The following PPP4R3A variants were observed in gnomAD, a reference collection of about 807,000 sequenced individuals.
The protein encoded by PPP4R3A is serine/threonine-protein phosphatase 4 regulatory subunit 3A.
PPP4R3A carries 15 observed loss-of-function variants against 91.7 expected under a neutral mutation model. That is an observed-to-expected ratio of 0.16 (90% CI 0.11 to 0.25). The LOEUF (loss-of-function observed/expected upper bound fraction) is 0.25, where lower values mean the gene tolerates loss of function less well. PPP4R3A is among the 10% of genes least tolerant of loss of function. PPP4R3A has a pLI of 1.00. For missense variants in PPP4R3A, 623 were observed against 998.4 expected (o/e 0.62, Z 5.07); for synonymous variants, 377 against 348.7 (o/e 1.08, Z -0.91).
chr14:91,510,499 C>T (rs1378887431), upstream of PPP4R3A: 2 of 152,238 alleles, frequency 1.3e-5, no homozygotes, highest in Non-Finnish European at 2.9e-5. Flanking sequence ...GGTGACAGCC[C>T]GAGGCTCCCT....
chr14:91,471,751 G>A (rs995323934), intron 9 of PPP4R3A, among the ~76,000 whole-genome samples: 1 of 152,142 alleles, frequency 6.6e-6, no homozygotes, highest in African/African-American at 2.4e-5. Flanking sequence ...TTTTATGTGA[G>A]TGCTATAATT....
chr14:91,479,307 T>C lies in PPP4R3A; in HGVS notation c.915+2269A>G, dbSNP rs980708347. Among the ~76,000 whole-genome samples the C allele has an allele frequency of 4.2e-4, 64 of 151,334 alleles. No individual in the cohort carries two copies. The South Asian group carries it at 0.013, about 30-fold the overall frequency. Reference sequence around the variant, plus strand: ...ATAAAAAACAACGTGTGTGTGTGTGTGTGTGTGTGTGTGTGTGTGTGTATG... The same window carrying C: ...ATAAAAAACAACGTGTGTGTGTGTGCGTGTGTGTGTGTGTGTGTGTGTATG... On this transcript the variant is annotated intron_variant, in intron 4 of 14. Coordinates refer to ENST00000554943, the MANE Select transcript of PPP4R3A (RefSeq NM_001366432.2).
intron 10 of PPP4R3A, among the ~76,000 whole-genome samples, chr14:91,467,249 A>C (rs1888530769): frequency 6.6e-6 from 1 of 152,196 alleles, no homozygotes; most frequent in Non-Finnish European, 1.5e-5. Context: ...CTGTTGAGTA[A>C]AAAGCTGCTT....
intron 1 of PPP4R3A, among the ~76,000 whole-genome samples, chr14:91,507,859 T>C (rs142297471): frequency 0.012 from 1,768 of 151,990 alleles, 17 homozygotes; most frequent in Middle Eastern, 0.031. Context: ...ATGGGGGTCA[T>C]GCCTGTAATC....
At chr14:91,507,835 T>C (rs1019017148) in intron 1 of PPP4R3A, among the ~76,000 whole-genome samples, 2 of 151,894 alleles carry the variant, frequency 1.3e-5, no homozygotes, top group Middle Eastern at 3.2e-3. Context: ...AATCTACATA[T>C]GCTTTCAGCT....
intron 1 of PPP4R3A, among the ~76,000 whole-genome samples, chr14:91,500,278 G>A (rs998492502): frequency 2.0e-5 from 3 of 152,060 alleles, no homozygotes; most frequent in Non-Finnish European, 2.9e-5. Flanking sequence ...TCGGCTCACT[G>A]CAACCTCCAC....
chr14:91,462,363 T>C, intron 12 of PPP4R3A, 124 bp from the exon 13 acceptor site: 1 of 986,412 alleles, frequency 1.0e-6, no homozygotes, highest in Non-Finnish European at 1.4e-6. Context: ...AAAGTATCAA[T>C]GTAAATCCAG....
At chr14:91,487,604 T>G (rs2140127468) in intron 2 of PPP4R3A, among the ~76,000 whole-genome samples, 1 of 152,350 alleles carries the variant, frequency 6.6e-6, no homozygotes, top group East Asian at 1.9e-4. Flanking sequence ...ATCAGGATGA[T>G]AATGGTTCCT....
chr14:91,508,832 A>G (rs568440212), intron 1 of PPP4R3A, among the ~76,000 whole-genome samples: 1 of 152,318 alleles, frequency 6.6e-6, no homozygotes, highest in South Asian at 2.1e-4. Context: ...GCAATCAAAA[A>G]AAGCTCATAT....
intron 1 of PPP4R3A, among the ~76,000 whole-genome samples, chr14:91,508,333 A>C (rs1264864989): frequency 1.3e-5 from 2 of 152,238 alleles, no homozygotes; most frequent in Admixed American, 1.3e-4. Flanking sequence ...CTTCAATTAC[A>C]GAAGGGCTAG....
Position 91,470,750 on chromosome 14 carries a change from A to T in PPP4R3A, c.1660+87T>A, listed in dbSNP as rs188017066. On this transcript the variant is annotated intron_variant, in intron 10 of 14. Transcript: ENST00000554943. Reference sequence around the variant, plus strand: ...TTACGACCTAGATCTCCTGACCTGTAATCAGTGGTCTTTTCATTTGGGCAA... The same window carrying T: ...TTACGACCTAGATCTCCTGACCTGTTATCAGTGGTCTTTTCATTTGGGCAA... The T allele has an allele frequency of 2.1e-6, 3 of 1,454,056 alleles. No homozygotes were observed. The Admixed American group carries it at 6.3e-5, about 31-fold the overall frequency. The allele number at this position is 1,454,056 out of a possible 1,614,324, so 90.1% of individuals were successfully genotyped here.
rs763487229 is a variant in PPP4R3A, at chr14:91,458,434, TTGTAGCAAC to T, written c.*316_*324del. ...CATGGTCCAAGAAAGCATATTCTGA[TTGTAGCAAC>T]TGACCAGTCAATCCAGAGTTCCACT... is the stretch of plus-strand genomic sequence containing the variant. On this transcript the variant is annotated 3_prime_UTR_variant, in exon 15 of 15. Transcript: ENST00000554943. 1.3e-5 allele frequency: 5 copies of T among 376,646 alleles called. No individual in the cohort carries two copies. The highest frequency in any genetic ancestry group is 2.5e-5 in the Non-Finnish European group (5 of 198,754). 23.3% of individuals were successfully genotyped at this position (376,646 alleles called of 1,614,324 possible).
chr14:91,509,881 G>A lies in PPP4R3A; in HGVS notation c.-234C>T. 1.8e-6 allele frequency: 2 copies of A among 1,097,308 alleles called. No homozygotes were observed. Among genetic ancestry groups the A allele is most frequent in the Non-Finnish European group, 2.2e-6 (2 of 903,904 alleles). The allele number at this position is 1,097,308 out of a possible 1,614,324, so 68.0% of individuals were successfully genotyped here. ...CTCCCCGGCGCTATTGTCCAGGCCTGGCGAGCCCGGCGCCCGGCAGCCCCG... is the reference window on the plus strand; with the variant it reads ...CTCCCCGGCGCTATTGTCCAGGCCTAGCGAGCCCGGCGCCCGGCAGCCCCG... On this transcript the variant is annotated 5_prime_UTR_variant, in exon 1 of 15. Coordinates refer to ENST00000554943, the MANE Select transcript of PPP4R3A (RefSeq NM_001366432.2).
chr14:91,494,528 G>C (rs11623076), intron 1 of PPP4R3A, among the ~76,000 whole-genome samples: 2 of 152,040 alleles, frequency 1.3e-5, no homozygotes, highest in African/African-American at 4.8e-5. Context: ...AAGCATATGA[G>C]AAGATGCTCA....
At chr14:91,495,788 G>A (rs1030468172) in intron 1 of PPP4R3A, among the ~76,000 whole-genome samples, 3 of 151,986 alleles carry the variant, frequency 2.0e-5, no homozygotes, top group Non-Finnish European at 4.4e-5. Context: ...GTGTGGCAGC[G>A]CACGCCTGTA....
At chr14:91,470,456 C>G (rs1888766755) in intron 10 of PPP4R3A, among the ~76,000 whole-genome samples, 1 of 152,154 alleles carries the variant, frequency 6.6e-6, no homozygotes. Flanking sequence ...ATATTCATTT[C>G]TCTCTTCTCA....
At position 91,485,644 on chromosome 14, in the gene PPP4R3A, C is replaced by T. The variant is rs1889835313; in HGVS notation, c.285G>A (p.Glu95=). ...TTTAAAAAATTACCTGACATATTTT[C>T]TCCCAAATTTCATCACATCCAGCTT... ...QEKAGCDEIW[E]KICQVQGKDP... Residue 95 remains glutamate (E), a synonymous_variant, in exon 3 of 15, where the codon GAG becomes GAA. Coordinates refer to ENST00000554943, the MANE Select transcript of PPP4R3A (RefSeq NM_001366432.2). 6.2e-7 allele frequency: 1 copy of T among 1,604,618 alleles called. No homozygotes were observed. Among genetic ancestry groups the T allele is most frequent in the Non-Finnish European group, 8.5e-7 (1 of 1,178,920 alleles).
intron 10 of PPP4R3A, among the ~76,000 whole-genome samples, chr14:91,470,427 C>T (rs957889165): frequency 9.2e-5 from 14 of 152,066 alleles, no homozygotes; most frequent in African/African-American, 3.4e-4. Context: ...CTTTGTGGGC[C>T]ACATATGGTC....
intron 4 of PPP4R3A, among the ~76,000 whole-genome samples, chr14:91,479,332 G>GTGTGTGT (rs1162404045): frequency 2.2e-5 from 3 of 137,728 alleles, no homozygotes; most frequent in African/African-American, 7.7e-5. Context: ...GTGTGTGTAT[G>GTGTGTGT]GGTGCAAATA....
Sources: allele counts gnomAD v4.1 joint callset (sites outside exome capture counted in the v4.1 genomes callset), GRCh38; gene constraint gnomAD v4.1.1; transcripts MANE v1.5; gene names NCBI Gene and HGNC (gene_info 2026-07-23, HGNC 2026-07-21).